The following FSTL4 variants were observed in gnomAD, a reference collection of about 807,000 sequenced individuals.
FSTL4 encodes the protein follistatin like 4, also known as follistatin-related protein 4.
In FSTL4, 28 loss-of-function variants were observed where a neutral mutation model predicts 78.2. That is an observed-to-expected ratio of 0.36 (90% confidence interval 0.27 to 0.49). FSTL4 has a LOEUF of 0.49. FSTL4 is among the 20% of genes least tolerant of loss of function. FSTL4 has a pLI of 0.98. For missense variants in FSTL4, 922 were observed against 1,084.9 expected, an observed-to-expected ratio of 0.85 and a Z score of 2.11; for synonymous variants, 422 against 440.5, an observed-to-expected ratio of 0.96 and a Z score of 0.53.
At chr5:133,315,159 C>T (rs1250220032) in intron 5 of FSTL4, among the ~76,000 whole-genome samples, 10 of 152,232 alleles carry the variant, frequency 6.6e-5, no homozygotes, top group Admixed American at 1.3e-4. Context: ...GAGACCATGT[C>T]TAAAAAAGAA....
rs72224529 is a variant in FSTL4, at chr5:133,210,469, CATTATTATTATT to C, written c.1609-183_1609-172del. Among the ~76,000 whole-genome samples, 44 of 145,468 alleles carry C rather than the reference CATTATTATTATT, an allele frequency of 3.0e-4. No individual in the cohort carries two copies. In the Middle Eastern group the frequency reaches 0.01, roughly 35 times the overall value. ...TCCCCTCTGTCTTTTTTCTCAGAGGCATTATTATTATTATTATTATTATTATTATTATTAATT... is the reference window on the plus strand; with the variant it reads ...TCCCCTCTGTCTTTTTTCTCAGAGGCATTATTATTATTATTATTATTAATT... On this transcript the variant is annotated intron_variant, in intron 13 of 15. Transcript: ENST00000265342.
the FSTL4 span, among the ~76,000 whole-genome samples, chr5:133,698,807 G>A: frequency 1.2e-4 from 19 of 152,372 alleles, no homozygotes; most frequent in African/African-American, 4.6e-4. Context: ...TGGAAGGGCT[G>A]ACAGCTACAA....
intron 13 of FSTL4, among the ~76,000 whole-genome samples, chr5:133,212,750 G>A (rs1355014569): frequency 6.6e-6 from 1 of 151,836 alleles, no homozygotes; most frequent in Non-Finnish European, 1.5e-5. Context: ...AAAGATATCA[G>A]TATACATATT....
the FSTL4 span, among the ~76,000 whole-genome samples, chr5:133,762,755 C>T: frequency 6.6e-6 from 1 of 152,258 alleles, no homozygotes; most frequent in East Asian, 1.9e-4. Context: ...AAGAGAGTGT[C>T]ATTTCCGAGA....
chr5:133,246,557 C>T (rs1459172176), intron 7 of FSTL4: 2 of 152,228 alleles, frequency 1.3e-5, no homozygotes, highest in Non-Finnish European at 2.9e-5. Context: ...AACAGCTCAC[C>T]CGAAGCTGCT....
intron 3 of FSTL4, among the ~76,000 whole-genome samples, chr5:133,451,697 T>C (rs1054149389): frequency 2.0e-5 from 3 of 152,134 alleles, no homozygotes; most frequent in Non-Finnish European, 2.9e-5. Flanking sequence ...AACACTTTGC[T>C]GGGTACAGAG....
intron 3 of FSTL4, among the ~76,000 whole-genome samples, chr5:133,494,773 G>A (rs1007462554): frequency 1.3e-5 from 2 of 152,214 alleles, no homozygotes; most frequent in African/African-American, 2.4e-5. Context: ...AGGGCCTGTG[G>A]CCCGGGTGTG....
chr5:133,768,203 G>A, the FSTL4 span, among the ~76,000 whole-genome samples: 1 of 152,188 alleles, frequency 6.6e-6, no homozygotes, highest in African/African-American at 2.4e-5. Context: ...ATGGAGCAGG[G>A]AGTGTACCCG....
intron 15 of FSTL4, 113 bp downstream of exon 15, chr5:133,201,820 C>T (rs1173169544): frequency 6.5e-6 from 4 of 617,078 alleles, no homozygotes; most frequent in Non-Finnish European, 1.2e-5. Flanking sequence ...CCAAATCCAG[C>T]ATGGGAGTGG....
the FSTL4 span, among the ~76,000 whole-genome samples, chr5:133,815,485 G>T: frequency 6.6e-6 from 1 of 152,136 alleles, no homozygotes; most frequent in Non-Finnish European, 1.5e-5. Context: ...GTTTATGGGA[G>T]CAATGAAACA....
chr5:133,685,600 G>A, the FSTL4 span, among the ~76,000 whole-genome samples: 2 of 152,194 alleles, frequency 1.3e-5, no homozygotes, highest in African/African-American at 4.8e-5. Context: ...CTGCTTTCTA[G>A]CACCTCCGCA....
chr5:133,791,180 G>A, the FSTL4 span, among the ~76,000 whole-genome samples: 5 of 152,034 alleles, frequency 3.3e-5, no homozygotes, highest in Non-Finnish European at 7.4e-5. Context: ...CACCTGGTTA[G>A]CTCCCTACAG....
chr5:133,253,755 A>C (rs1260369323), intron 6 of FSTL4, among the ~76,000 whole-genome samples: 3 of 152,162 alleles, frequency 2.0e-5, no homozygotes, highest in African/African-American at 7.2e-5. Context: ...GGTACATCTC[A>C]GCCCTGCTCA....
the FSTL4 span, among the ~76,000 whole-genome samples, chr5:133,691,503 C>A: frequency 6.6e-6 from 1 of 152,172 alleles, no homozygotes; most frequent in African/African-American, 2.4e-5. Context: ...GGATCATTAA[C>A]TTGAAGGCGT....
chr5:133,555,101 A>G (rs997625233), intron 3 of FSTL4, among the ~76,000 whole-genome samples: 1 of 152,230 alleles, frequency 6.6e-6, no homozygotes, highest in Non-Finnish European at 1.5e-5. Context: ...ACCATGAAAT[A>G]TGTCAAGTGA....
intron 6 of FSTL4, among the ~76,000 whole-genome samples, chr5:133,276,583 G>C (rs1432041354): frequency 6.6e-6 from 1 of 152,166 alleles, no homozygotes; most frequent in East Asian, 1.9e-4. Context: ...CCCTGAATGG[G>C]TACCTTGGGG....
intron 4 of FSTL4, among the ~76,000 whole-genome samples, chr5:133,341,491 G>A (rs1754581433): frequency 6.6e-6 from 1 of 152,070 alleles, no homozygotes; most frequent in African/African-American, 2.4e-5. Context: ...AAGCCCCTGT[G>A]TGAGTGCATG....
chr5:133,683,925 C>T, the FSTL4 span, among the ~76,000 whole-genome samples: 4 of 152,166 alleles, frequency 2.6e-5, no homozygotes, highest in African/African-American at 4.8e-5. Flanking sequence ...GGACCCTGGA[C>T]GTGGGCTCTG....
chr5:133,333,180 C>T (rs2126910599), intron 4 of FSTL4, among the ~76,000 whole-genome samples: 1 of 152,354 alleles, frequency 6.6e-6, no homozygotes, highest in East Asian at 1.9e-4. Flanking sequence ...TCCTATGCAG[C>T]TGGCCCATCA....
Sources: allele counts gnomAD v4.1 joint callset (sites outside exome capture counted in the v4.1 genomes callset), GRCh38; gene constraint gnomAD v4.1.1; transcripts MANE v1.5; gene names NCBI Gene and HGNC (gene_info 2026-07-23, HGNC 2026-07-21).